SLC35F5: variants seen among roughly 807,000 people sequenced by gnomAD.
The protein encoded by SLC35F5 is solute carrier family 35 member F5.
SLC35F5 carries 54 observed loss-of-function variants against 68.6 expected under a neutral mutation model. The ratio of observed to expected loss-of-function variants is 0.79; its 90% CI spans 0.63 to 0.99. The LOEUF is 0.99. Ranked by LOEUF, SLC35F5 falls within the 50% of genes least tolerant of loss-of-function variation. The pLI, the probability that SLC35F5 is intolerant of heterozygous loss-of-function variation, is 0.00. For missense variants in SLC35F5, 567 were observed against 626.9 expected (o/e 0.90, Z 1.02); for synonymous variants, 211 against 205.2 (o/e 1.03, Z -0.24).
chr2:113,756,022 G>T (rs1676970445), intron 1 of SLC35F5: 1 of 1,496,792 alleles, frequency 6.7e-7, no homozygotes, highest in Non-Finnish European at 8.9e-7. Flanking sequence ...TAAAAGAAAA[G>T]GATTCTCCAT....
In SLC35F5 at chr2:113,708,681, G is replaced by A. The variant is rs946806614; in HGVS notation, c.*6537C>T. Among the ~76,000 whole-genome samples the A allele has an allele frequency of 6.6e-6, 1 of 152,080 alleles. No homozygotes were observed. The highest frequency in any genetic ancestry group is 1.5e-5 in the Non-Finnish European group (1 of 68,032). ...AGATCGTGCCACTGCACTTCAGCCTGGGCAATGGAGTGAGACTCTGTCTCA... is the reference window on the plus strand; with the variant it reads ...AGATCGTGCCACTGCACTTCAGCCTAGGCAATGGAGTGAGACTCTGTCTCA... On this transcript the variant is annotated 3_prime_UTR_variant, in exon 16 of 16. Transcript: ENST00000245680.
rs998892916 is a variant in SLC35F5, at chr2:113,713,071, T to G, written c.*2147A>C. On this transcript the variant is annotated 3_prime_UTR_variant, in exon 16 of 16. Coordinates refer to ENST00000245680, the MANE Select transcript of SLC35F5 (RefSeq NM_025181.5). ...GAAGTCTTCAACTGCTCACTCACCATGGCTACAGTATTCAAATGCAACAAT... is the reference window on the plus strand; with the variant it reads ...GAAGTCTTCAACTGCTCACTCACCAGGGCTACAGTATTCAAATGCAACAAT... The G allele has an allele frequency of 6.6e-6, 1 of 152,190 alleles. No individual in the cohort carries two copies. The highest frequency in any genetic ancestry group is 1.5e-5 in the Non-Finnish European group (1 of 68,022). The allele number at this position is 152,190 out of a possible 1,614,324, so 9.4% of individuals were successfully genotyped here.
intron 4 of SLC35F5, among the ~76,000 whole-genome samples, chr2:113,747,281 C>T (rs922800230): frequency 8.3e-5 from 10 of 120,412 alleles, no homozygotes; most frequent in Admixed American, 5.6e-4. Context: ...AGCAAGATTC[C>T]GTCTCAAAAA....
Position 113,756,622 on chromosome 2 carries a change from G to C in SLC35F5, c.-213C>G. ...GGAAGGGACGGCACAGTCAGCTATGGCCGCGGAGGCCCGGAGATCTGCTCT... is the reference window on the plus strand; with the variant it reads ...GGAAGGGACGGCACAGTCAGCTATGCCCGCGGAGGCCCGGAGATCTGCTCT... On this transcript the variant is annotated 5_prime_UTR_variant, in exon 1 of 16. Coordinates refer to ENST00000245680, the MANE Select transcript of SLC35F5 (RefSeq NM_025181.5). The C allele has an allele frequency of 7.7e-7, 1 of 1,305,250 alleles. No homozygotes were observed. The highest frequency in any genetic ancestry group is 2.9e-5 in the East Asian group (1 of 35,054). 80.9% of individuals were successfully genotyped at this position (1,305,250 alleles called of 1,614,324 possible).
intron 3 of SLC35F5, among the ~76,000 whole-genome samples, chr2:113,753,162 GTTTTTCTTTTTTTTTT>G (rs1177907816): frequency 4.0e-5 from 2 of 50,550 alleles, no homozygotes; most frequent in African/African-American, 1.3e-4. Flanking sequence ...TCCAAAGTTT[GTTTTTCTTTTTTTTTT>G]TTTTTTTTTT....
At position 113,755,508 on chromosome 2, in the gene SLC35F5, G is replaced by C. The variant is rs758486121; in HGVS notation, c.77C>G (p.Ser26Cys). The change falls in exon 2 of 16, where the codon TCT (serine) becomes TGT (cysteine). Residue 26 changes from serine to cysteine, a missense_variant. Transcript: ENST00000245680. ...AAGAGCAATGCCGGAAAACTTGGCA[G>C]ATCTCAGTCTAAAAGGAGGTGAAGA... is the stretch of plus-strand genomic sequence containing the variant. ...LSSSPPFRLR[S>C]AKFSGIALED... 2 of 1,614,076 alleles carry C rather than the reference G, an allele frequency of 1.2e-6. No individual in the cohort carries two copies. Among genetic ancestry groups the C allele is most frequent in the Non-Finnish European group, 1.7e-6 (2 of 1,180,002 alleles).
chr2:113,736,114 A>G (rs1427252990), intron 7 of SLC35F5, among the ~76,000 whole-genome samples: 1 of 150,916 alleles, frequency 6.6e-6, no homozygotes, highest in African/African-American at 2.4e-5. Flanking sequence ...TTTTTTTTTT[A>G]ATGAGTAAAA....
At chr2:113,724,598 A>G (rs922351473) in intron 12 of SLC35F5, among the ~76,000 whole-genome samples, 14 of 152,158 alleles carry the variant, frequency 9.2e-5, no homozygotes, top group African/African-American at 3.4e-4. Flanking sequence ...GGAAGACTCC[A>G]CAAAAAAGTC....
chr2:113,727,221 G>A (rs1687698247), intron 11 of SLC35F5, among the ~76,000 whole-genome samples: 1 of 152,018 alleles, frequency 6.6e-6, no homozygotes, highest in Non-Finnish European at 1.5e-5. Context: ...ATGATTGTAA[G>A]TTTCCTGAGG....
chr2:113,755,528 T>TG lies in SLC35F5; in HGVS notation c.56dup (p.Pro20ThrfsTer4). 6.2e-7 allele frequency: 1 copy of TG among 1,613,604 alleles called. No homozygotes were observed. Among genetic ancestry groups the TG allele is most frequent in the Non-Finnish European group, 8.5e-7 (1 of 1,179,864 alleles). ...TGGCAGATCTCAGTCTAAAAGGAGGTGAAGAACTCAGCACCCCTAAAAACA... is the reference window on the plus strand; with the variant it reads ...TGGCAGATCTCAGTCTAAAAGGAGGTGGAAGAACTCAGCACCCCTAAAAACA... On this transcript the variant is annotated frameshift_variant, in exon 2 of 16. Coordinates refer to ENST00000245680, the MANE Select transcript of SLC35F5 (RefSeq NM_025181.5). LOFTEE classifies it high-confidence loss of function.
chr2:113,706,522 G>C (rs530794219), downstream of SLC35F5, among the ~76,000 whole-genome samples: 1 of 152,210 alleles, frequency 6.6e-6, no homozygotes, highest in South Asian at 2.1e-4. Context: ...TGGAATGTAG[G>C]TCTCTTATTC....
At position 113,735,778 on chromosome 2, in the gene SLC35F5, G is replaced by A. The variant is rs142282138; in HGVS notation, c.831C>T (p.Ser277=). The change falls in exon 8 of 16, where the codon TCC becomes TCT. Residue 277 remains serine, a splice_region_variant and synonymous_variant. Coordinates refer to ENST00000245680, the MANE Select transcript of SLC35F5 (RefSeq NM_025181.5). ...VAIVNILSST[S]GLFTLILAAV... is the part of the protein sequence containing the mutation. ...GATTTTTAAAGACAAATTTCTTACC[G>A]GAAGTTGAAGATAAAATATTAACTA... The A allele has an allele frequency of 7.2e-4, 1,149 of 1,592,690 alleles. No homozygotes were observed. The highest frequency in any genetic ancestry group is 1.5e-3 in the Admixed American group (85 of 57,630).
intron 4 of SLC35F5, among the ~76,000 whole-genome samples, chr2:113,747,511 T>A (rs933744255): frequency 6.6e-6 from 1 of 151,728 alleles, no homozygotes; most frequent in African/African-American, 2.4e-5. Context: ...CCCTAACAAA[T>A]CAGTAATAAA....
rs754811607 is a variant in SLC35F5, at chr2:113,755,189, C to G, written c.249G>C (p.Trp83Cys). 1.2e-5 allele frequency: 20 copies of G among 1,613,858 alleles called. No individual in the cohort carries two copies. In the Admixed American group the frequency reaches 1.7e-4, roughly 13 times the overall value. ...IVILLLVDVI[W>C]VASSELTSYV... ...CCGAAGTAAGTTCAGAGGAAGCAAC[C>G]CATATCACATCAACAAGCAGAAGAA... The change falls in exon 3 of 16, where the codon TGG (tryptophan) becomes TGC (cysteine). Residue 83 changes from tryptophan to cysteine, a missense_variant. Trp to Cys is a radical substitution (Grantham distance 215). Transcript: ENST00000245680.
At chr2:113,752,602 A>G (rs1426260759) in intron 3 of SLC35F5, among the ~76,000 whole-genome samples, 1 of 152,232 alleles carries the variant, frequency 6.6e-6, no homozygotes, top group Admixed American at 6.5e-5. Context: ...CAATCAGCCA[A>G]ATCCAGAATG....
At position 113,710,704 on chromosome 2, in the gene SLC35F5, A is replaced by AG. The variant is rs1686955456; in HGVS notation, c.*4513dup. On this transcript the variant is annotated 3_prime_UTR_variant, in exon 16 of 16. Transcript: ENST00000245680. ...GGTGGGAGGATGGCTTGAGCTTGGG[A>AG]GGTTGCAGTGAGCCAAGATCCTGCC... Among the ~76,000 whole-genome samples the AG allele has an allele frequency of 6.6e-6, 1 of 151,998 alleles. No individual in the cohort carries two copies. The highest frequency in any genetic ancestry group is 1.5e-5 in the Non-Finnish European group (1 of 68,000).
chr2:113,705,000 C>T, downstream of SLC35F5: 1 of 152,296 alleles, frequency 6.6e-6, no homozygotes, highest in Non-Finnish European at 1.5e-5. Context: ...TAATTGTTGG[C>T]CAATATTGCT....
chr2:113,756,125 A>G (rs903498700), intron 1 of SLC35F5: 8 of 1,445,672 alleles, frequency 5.5e-6, no homozygotes, highest in Non-Finnish European at 7.2e-6. Flanking sequence ...CGGGGAAGAC[A>G]GTTAAGGCAG....
At position 113,755,196 on chromosome 2, in the gene SLC35F5, A is replaced by G; in HGVS notation, c.242T>C (p.Val81Ala). The change falls in exon 3 of 16, where the codon GTG becomes GCG. Residue 81 changes from valine to alanine, a missense_variant. Coordinates refer to ENST00000245680, the MANE Select transcript of SLC35F5 (RefSeq NM_025181.5). ...LGIVILLLVDVIWVASSELTS... is the reference protein window; with the variant it reads ...LGIVILLLVDAIWVASSELTS... ...AAGTTCAGAGGAAGCAACCCATATC[A>G]CATCAACAAGCAGAAGAATAACAAT... is the stretch of plus-strand genomic sequence containing the variant. 6.2e-7 allele frequency: 1 copy of G among 1,614,110 alleles called. No homozygotes were observed. Among genetic ancestry groups the G allele is most frequent in the Non-Finnish European group, 8.5e-7 (1 of 1,180,012 alleles).
Sources: allele counts gnomAD v4.1 joint callset (sites outside exome capture counted in the v4.1 genomes callset), GRCh38; gene constraint gnomAD v4.1.1; transcripts MANE v1.5; gene names NCBI Gene and HGNC (gene_info 2026-07-23, HGNC 2026-07-21).